Variants in MARCHF1 observed in about 807,000 individuals in gnomAD.
MARCHF1 encodes membrane associated ring-CH-type finger 1, also known as E3 ubiquitin-protein ligase MARCHF1.
Under a neutral mutation model 54.2 loss-of-function variants are expected in MARCHF1, and 40 were observed. That is an observed-to-expected ratio of 0.74 (90% CI 0.57 to 0.96). MARCHF1 has a LOEUF of 0.96. Among genes scored for constraint, MARCHF1 ranks in the 40% least tolerant of loss-of-function variants. The pLI is 0.00. For missense variants in MARCHF1, 586 were observed against 656.5 expected, an observed-to-expected ratio of 0.89 and a Z score of 1.17; for synonymous variants, 236 against 236.3, an observed-to-expected ratio of 1.00 and a Z score of 0.01.
At chr4:164,207,490 G>A (rs1414303674) in intron 1 of MARCHF1, among the ~76,000 whole-genome samples, 1 of 152,208 alleles carries the variant, frequency 6.6e-6, no homozygotes, top group Non-Finnish European at 1.5e-5. Flanking sequence ...TAAAGGGAAA[G>A]CATATTTTAT....
chr4:164,068,606 G>A (rs1754783283), intron 2 of MARCHF1, among the ~76,000 whole-genome samples: 2 of 152,164 alleles, frequency 1.3e-5, no homozygotes, highest in Non-Finnish European at 2.9e-5. Context: ...CAGCACTCGG[G>A]ACCTGCAACC....
intron 9 of MARCHF1, chr4:163,529,738 G>C (rs1738280595): frequency 6.6e-6 from 1 of 151,968 alleles, no homozygotes; most frequent in East Asian, 1.9e-4. Context: ...CTAGAAATAG[G>C]CTTTCTTTTG....
intron 8 of MARCHF1, among the ~76,000 whole-genome samples, chr4:163,551,585 G>C (rs1214150792): frequency 2.0e-5 from 3 of 152,184 alleles, no homozygotes; most frequent in Non-Finnish European, 4.4e-5. Context: ...CACAAATCAG[G>C]AAGTGTACAC....
At chr4:164,080,642 A>T (rs955859473) in intron 2 of MARCHF1, among the ~76,000 whole-genome samples, 4 of 149,986 alleles carry the variant, frequency 2.7e-5, no homozygotes, top group African/African-American at 1.0e-4. Flanking sequence ...ATCTAATAGT[A>T]TTCTATTGTG....
At chr4:164,036,519 T>C (rs1334647855) in intron 2 of MARCHF1, among the ~76,000 whole-genome samples, 7 of 152,208 alleles carry the variant, frequency 4.6e-5, no homozygotes, top group African/African-American at 1.2e-4. Flanking sequence ...TTACTTGTAA[T>C]AAAAATTCAA....
At chr4:163,713,124 C>T (rs1376714272) in intron 4 of MARCHF1, among the ~76,000 whole-genome samples, 1 of 151,946 alleles carries the variant, frequency 6.6e-6, no homozygotes, top group South Asian at 2.1e-4. Context: ...TCAAATTTAA[C>T]TTGCACCCTA....
At chr4:164,029,405 C>A (rs1038895969) in intron 2 of MARCHF1, among the ~76,000 whole-genome samples, 10 of 151,852 alleles carry the variant, frequency 6.6e-5, no homozygotes, top group Non-Finnish European at 1.2e-4. Flanking sequence ...ATGATAGTAC[C>A]AAGGGAGAAA....
intron 8 of MARCHF1, among the ~76,000 whole-genome samples, chr4:163,581,652 T>G (rs1740237747): frequency 6.6e-6 from 1 of 152,174 alleles, no homozygotes; most frequent in Non-Finnish European, 1.5e-5. Flanking sequence ...GAATTAACAG[T>G]GTTTGTTAAA....
At chr4:163,935,337 C>T (rs938368654) in intron 3 of MARCHF1, among the ~76,000 whole-genome samples, 6 of 152,168 alleles carry the variant, frequency 3.9e-5, no homozygotes, top group Non-Finnish European at 8.8e-5. Context: ...GTGGTAACAT[C>T]TTCCAATAAA....
chr4:163,819,709 C>T (rs1029594016), intron 4 of MARCHF1, among the ~76,000 whole-genome samples: 10 of 152,050 alleles, frequency 6.6e-5, no homozygotes, highest in Non-Finnish European at 1.5e-4. Context: ...ATGTCTTTAT[C>T]GTCCTAATGC....
At chr4:163,790,348 C>T (rs1170044133) in intron 4 of MARCHF1, among the ~76,000 whole-genome samples, 3 of 152,020 alleles carry the variant, frequency 2.0e-5, no homozygotes, top group Non-Finnish European at 4.4e-5. Flanking sequence ...TTTTAAATTA[C>T]TCAATTACGT....
chr4:163,549,745 C>T (rs1739038388), intron 8 of MARCHF1, among the ~76,000 whole-genome samples: 1 of 150,572 alleles, frequency 6.6e-6, no homozygotes, highest in Non-Finnish European at 1.5e-5. Context: ...CTCTATTATT[C>T]ACTTAGAAAA....
At chr4:163,654,774 T>C (rs1272534782) in intron 5 of MARCHF1, among the ~76,000 whole-genome samples, 1 of 151,720 alleles carries the variant, frequency 6.6e-6, no homozygotes, top group East Asian at 1.9e-4. Context: ...GTAAATTCCA[T>C]ACAGCTGAAT....
At chr4:163,654,232 C>G (rs1476443919) in intron 5 of MARCHF1, among the ~76,000 whole-genome samples, 1 of 151,596 alleles carries the variant, frequency 6.6e-6, no homozygotes, top group Non-Finnish European at 1.5e-5. Flanking sequence ...GAAAGCCTGA[C>G]TAGAGGATGT....
intron 5 of MARCHF1, among the ~76,000 whole-genome samples, chr4:163,623,605 C>G (rs1446518950): frequency 6.6e-6 from 1 of 152,168 alleles, no homozygotes. Context: ...AGATCCATCT[C>G]ATTGACTTTC....
intron 7 of MARCHF1, among the ~76,000 whole-genome samples, chr4:163,609,332 A>G (rs903263524): frequency 6.6e-5 from 10 of 151,994 alleles, no homozygotes; most frequent in African/African-American, 2.2e-4. Context: ...TAACATCAAC[A>G]TTTACTGTTG....
At chr4:164,293,128 G>A (rs939960943) in intron 1 of MARCHF1, among the ~76,000 whole-genome samples, 3 of 151,952 alleles carry the variant, frequency 2.0e-5, no homozygotes, top group African/African-American at 7.3e-5. Context: ...CTATATAATA[G>A]TAATTGTTAA....
intron 5 of MARCHF1, among the ~76,000 whole-genome samples, chr4:163,696,927 A>G (rs1308988659): frequency 6.6e-6 from 1 of 152,074 alleles, no homozygotes; most frequent in Non-Finnish European, 1.5e-5. Context: ...AGGTTCAGTG[A>G]CTTTCTGAGA....
intron 2 of MARCHF1, among the ~76,000 whole-genome samples, chr4:164,109,339 G>C (rs1755779836): frequency 6.6e-6 from 1 of 151,936 alleles, no homozygotes; most frequent in Non-Finnish European, 1.5e-5. Context: ...GCTATCTTCA[G>C]TTATTCCTGT....
Sources: gnomAD v4.1 joint callset for allele counts (sites outside exome capture counted in the v4.1 genomes callset) on GRCh38, gnomAD v4.1.1 for gene constraint, MANE v1.5 for transcripts, NCBI Gene and HGNC (gene_info 2026-07-23, HGNC 2026-07-21) for gene names.